AMD1: variants seen among roughly 807,000 people sequenced by gnomAD.
AMD1 encodes the protein adenosylmethionine decarboxylase 1.
A neutral mutation model predicts 40.2 loss-of-function variants in AMD1; 11 were observed. The observed-to-expected ratio is 0.27, with a 90% CI of 0.17 to 0.45. AMD1 has a LOEUF of 0.45. AMD1 is among the 20% of genes least tolerant of loss of function. AMD1 has a pLI of 1.00. For missense variants in AMD1, 257 were observed against 410.2 expected, an observed-to-expected ratio of 0.63 and a Z score of 3.23; for synonymous variants, 121 against 130.8, an observed-to-expected ratio of 0.93 and a Z score of 0.51.
At chr6:110,828,356 C>T in the AMD1 span, among the ~76,000 whole-genome samples, 1 of 151,914 alleles carries the variant, frequency 6.6e-6, no homozygotes, top group Non-Finnish European at 1.5e-5. Flanking sequence ...ATCGCTTCAA[C>T]CCAGAGGCAG....
the AMD1 span, among the ~76,000 whole-genome samples, chr6:110,869,046 C>T: frequency 6.7e-6 from 1 of 148,214 alleles, no homozygotes; most frequent in African/African-American, 2.5e-5. Flanking sequence ...GCAATAAGAG[C>T]GAAACTCGTT....
the AMD1 span, among the ~76,000 whole-genome samples, chr6:110,868,063 C>T: frequency 6.6e-6 from 1 of 152,046 alleles, no homozygotes; most frequent in Non-Finnish European, 1.5e-5. Context: ...GGCCTCAAGT[C>T]ACCCTCCTGC....
the AMD1 span, among the ~76,000 whole-genome samples, chr6:110,840,847 C>T: frequency 2.6e-5 from 4 of 152,096 alleles, no homozygotes; most frequent in African/African-American, 4.8e-5. Context: ...GCCCAACACA[C>T]TCAGCATTAT....
At chr6:110,868,865 G>A in the AMD1 span, among the ~76,000 whole-genome samples, 1 of 151,918 alleles carries the variant, frequency 6.6e-6, no homozygotes, top group Non-Finnish European at 1.5e-5. Context: ...AGACCAGCCT[G>A]ACCAACATGG....
At chr6:110,827,930 GT>G in the AMD1 span, among the ~76,000 whole-genome samples, 3 of 152,028 alleles carry the variant, frequency 2.0e-5, no homozygotes. Flanking sequence ...AACTTTTATT[GT>G]TTTTATTGTC....
At chr6:110,815,150 C>T in the AMD1 span, 1 of 1,579,634 alleles carries the variant, frequency 6.3e-7, no homozygotes, top group Non-Finnish European at 8.6e-7. Flanking sequence ...CTGCTTCCCC[C>T]ATAGAGGCAC....
chr6:110,884,513 A>C (rs1442383188), intron 1 of AMD1, among the ~76,000 whole-genome samples: 1 of 152,068 alleles, frequency 6.6e-6, no homozygotes. Flanking sequence ...GGTTCACTGC[A>C]CCCTCCATCT....
the AMD1 span, among the ~76,000 whole-genome samples, chr6:110,852,056 GT>G: frequency 0.22 from 30,826 of 137,508 alleles, 3,637 homozygotes; most frequent in East Asian, 0.65. Flanking sequence ...AGATTTTTTT[GT>G]TTTTTTTTTT....
chr6:110,852,827 A>G, the AMD1 span, among the ~76,000 whole-genome samples: 28 of 152,314 alleles, frequency 1.8e-4, no homozygotes, highest in African/African-American at 6.7e-4. Flanking sequence ...TTCTGAATGA[A>G]CAAACATTTT....
chr6:110,889,163 C>G (rs976033261), intron 3 of AMD1, 180 bp downstream of exon 3: 2 of 523,036 alleles, frequency 3.8e-6, no homozygotes, highest in Non-Finnish European at 5.8e-6. Context: ...AAATAGGAAG[C>G]AGAGAATGAG....
At chr6:110,867,691 A>C in the AMD1 span, among the ~76,000 whole-genome samples, 1 of 152,214 alleles carries the variant, frequency 6.6e-6, no homozygotes. Flanking sequence ...AAAAGTAAAT[A>C]CGAAAGCAGA....
chr6:110,880,190 C>T (rs1278249624), intron 1 of AMD1, among the ~76,000 whole-genome samples: 2 of 152,166 alleles, frequency 1.3e-5, no homozygotes, highest in African/African-American at 4.8e-5. Flanking sequence ...CTCCTGACTT[C>T]AAGTGATTGA....
At chr6:110,890,644 C>T (rs908503362) in intron 4 of AMD1, 4 of 206,540 alleles carry the variant, frequency 1.9e-5, no homozygotes, top group East Asian at 1.1e-4. Flanking sequence ...TGCCACCCCA[C>T]CTGGCTAATT....
chr6:110,890,397 A>C (rs1031305182), intron 4 of AMD1, 41 bp downstream of exon 4: 1 of 1,404,480 alleles, frequency 7.1e-7, no homozygotes, highest in Admixed American at 2.1e-5. Flanking sequence ...CTTCTTAAAG[A>C]TAGAAAGTGC....
the AMD1 span, among the ~76,000 whole-genome samples, chr6:110,851,466 T>C: frequency 6.6e-6 from 1 of 151,866 alleles, no homozygotes; most frequent in African/African-American, 2.4e-5. Flanking sequence ...TCATTGTTGT[T>C]GTTGTTGTCG....
the AMD1 span, among the ~76,000 whole-genome samples, chr6:110,861,012 G>A: frequency 6.6e-6 from 1 of 151,858 alleles, no homozygotes; most frequent in Non-Finnish European, 1.5e-5. Context: ...GATCACTTGA[G>A]GTCAGGAGTT....
chr6:110,886,493 A>C (rs903501072), intron 1 of AMD1, among the ~76,000 whole-genome samples: 9 of 152,058 alleles, frequency 5.9e-5, no homozygotes, highest in Non-Finnish European at 7.4e-5. Flanking sequence ...TTTAGTAGAA[A>C]CAGGGTTTCA....
chr6:110,862,899 C>T, the AMD1 span, among the ~76,000 whole-genome samples: 2 of 152,068 alleles, frequency 1.3e-5, no homozygotes, highest in Admixed American at 6.6e-5. Context: ...GTGGTCCTCA[C>T]GATAGGAAAA....
chr6:110,881,891 G>C (rs375212151), intron 1 of AMD1, among the ~76,000 whole-genome samples: 1 of 151,650 alleles, frequency 6.6e-6, no homozygotes, highest in Non-Finnish European at 1.5e-5. Flanking sequence ...TCAGTATTAC[G>C]TGAGCTGTAA....
Sources: gnomAD v4.1 joint callset for allele counts (sites outside exome capture counted in the v4.1 genomes callset) on GRCh38, gnomAD v4.1.1 for gene constraint, MANE v1.5 for transcripts, NCBI Gene and HGNC (gene_info 2026-07-23, HGNC 2026-07-21) for gene names.